The following SMIM29 variants were observed in gnomAD, a reference collection of about 807,000 sequenced individuals.
SMIM29 encodes uncharacterized protein C6orf1.
A neutral mutation model predicts 12.9 loss-of-function variants in SMIM29; 4 were observed. The observed-to-expected ratio is 0.31, with a 90% CI of 0.15 to 0.71. The LOEUF (loss-of-function observed/expected upper bound fraction) is 0.71. Ranked by LOEUF, SMIM29 falls within the 30% of genes least tolerant of loss-of-function variation. SMIM29 has a pLI of 0.70. For missense variants in SMIM29, 122 were observed against 138.1 expected (o/e 0.88, Z 0.58); for synonymous variants, 50 against 52.0 (o/e 0.96, Z 0.17).
Position 34,246,757 on chromosome 6 carries a change from G to A in SMIM29, c.*46C>T, listed in dbSNP as rs749897227. The A allele has an allele frequency of 1.9e-6, 3 of 1,613,496 alleles. No individual in the cohort carries two copies. In the Admixed American group the frequency reaches 5.0e-5, roughly 27 times the overall value. ...GGGGAAGCAGATGGCAGGGCCCCAGGCAGTCCAGGACCCCAGGCTCTGAAG... is the reference window on the plus strand; with the variant it reads ...GGGGAAGCAGATGGCAGGGCCCCAGACAGTCCAGGACCCCAGGCTCTGAAG... On this transcript the variant is annotated 3_prime_UTR_variant, in exon 5 of 5. Coordinates refer to ENST00000476320, the MANE Select transcript of SMIM29 (RefSeq NM_001008703.4).
rs1485293592 is a variant in SMIM29, at chr6:34,246,524, C to T, written c.*279G>A. 3 of 1,551,366 alleles carry T rather than the reference C, an allele frequency of 1.9e-6. No individual in the cohort carries two copies. The highest frequency in any genetic ancestry group is 2.6e-6 in the Non-Finnish European group (3 of 1,147,452). ...CCCAGCCCAGGAGGGCTAGAGAAAG[C>T]AAAGGTGTCTACCAGCCGCCCCCAT... On this transcript the variant is annotated 3_prime_UTR_variant, in exon 5 of 5. Coordinates refer to ENST00000476320, the MANE Select transcript of SMIM29 (RefSeq NM_001008703.4).
intron 2 of SMIM29, 88 bp downstream of exon 2, chr6:34,247,593 T>C: frequency 4.7e-6 from 7 of 1,494,194 alleles, no homozygotes; most frequent in Non-Finnish European, 6.2e-6. Flanking sequence ...AACAGGACAG[T>C]GGGGACTCTG....
In SMIM29 at chr6:34,246,443, C is replaced by T. The variant is rs981739067; in HGVS notation, c.*360G>A. 4 of 1,466,346 alleles carry T rather than the reference C, an allele frequency of 2.7e-6. No homozygotes were observed. Among genetic ancestry groups the T allele is most frequent in the African/African-American group, 1.4e-5 (1 of 70,756 alleles). The allele number at this position is 1,466,346 out of a possible 1,614,324, so 90.8% of individuals were successfully genotyped here. The stretch of plus-strand genomic sequence containing the variant: ...AAAATATATACTGAATACTATACAT[C>T]TGGCCCCATCACCATGGAAACAACT... On this transcript the variant is annotated 3_prime_UTR_variant, in exon 5 of 5. Transcript: ENST00000476320.
At position 34,246,510 on chromosome 6, in the gene SMIM29, AG is replaced by A. The variant is rs1367346642; in HGVS notation, c.*292del. 2.0e-6 allele frequency: 3 copies of A among 1,535,042 alleles called. No homozygotes were observed. The African/African-American group carries it at 4.1e-5, about 21-fold the overall frequency. On this transcript the variant is annotated 3_prime_UTR_variant, in exon 5 of 5. Transcript: ENST00000476320. ...GATTTGTGCCCAAGCCCAGCCCAGGAGGGCTAGAGAAAGCAAAGGTGTCTAC... is the reference window on the plus strand; with the variant it reads ...GATTTGTGCCCAAGCCCAGCCCAGGAGGCTAGAGAAAGCAAAGGTGTCTAC...
chr6:34,246,848 A>C lies in SMIM29; in HGVS notation c.264T>G (p.Ser88Arg), dbSNP rs754852922. 1.9e-6 allele frequency: 3 copies of C among 1,610,154 alleles called. No homozygotes were observed. The African/African-American group carries it at 4.0e-5, about 22-fold the overall frequency. ...GTGGCATCCGCTTGTGCTGGTAGCC[A>C]CTCTGCCAGCCATGTACCACCTGTC... ...GDPKVVHGWQSGYQHKRMPLL... is the reference protein window; with the variant it reads ...GDPKVVHGWQRGYQHKRMPLL... The change falls in exon 5 of 5, where the codon AGT becomes AGG. Residue 88 changes from serine to arginine, a missense_variant. Physicochemically the swap from Ser to Arg is moderately radical, Grantham distance 110. Coordinates refer to ENST00000476320, the MANE Select transcript of SMIM29 (RefSeq NM_001008703.4).
chr6:34,247,128 G>C lies in SMIM29; in HGVS notation c.159C>G (p.His53Gln). Residue 53 changes from histidine to glutamine, a missense_variant, in exon 4 of 5, where the codon CAC (histidine) becomes CAG (glutamine). By Grantham distance (24) the His-to-Gln change is conservative. Coordinates refer to ENST00000476320, the MANE Select transcript of SMIM29 (RefSeq NM_001008703.4). ...KKKRVDRLRH[H>Q]LLPMYSYDPA... ...GGTCATAGCTGTACATGGGGAGCAG[G>C]TGATGGCGCAGCCGGTCCACCCTGG... The C allele has an allele frequency of 6.2e-7, 1 of 1,614,114 alleles. No individual in the cohort carries two copies. Among genetic ancestry groups the C allele is most frequent in the Non-Finnish European group, 8.5e-7 (1 of 1,180,020 alleles).
intron 1 of SMIM29, chr6:34,248,081 T>C: frequency 1.0e-6 from 1 of 985,452 alleles, no homozygotes; most frequent in East Asian, 1.1e-4. Context: ...GGGCTGAGTC[T>C]TGCCCAACTC....
At position 34,247,544 on chromosome 6, in the gene SMIM29, A is replaced by G. The variant is rs2127552027; in HGVS notation, c.112-52T>C. ...GGCTGCTGAGCCCAGGAAGGCCCAC[A>G]GGCAGAGAGAGGCCCACCTCCACAC... is the stretch of plus-strand genomic sequence containing the variant. On this transcript the variant is annotated intron_variant, in intron 2 of 4. Coordinates refer to ENST00000476320, the MANE Select transcript of SMIM29 (RefSeq NM_001008703.4). 3.2e-6 allele frequency: 5 copies of G among 1,547,254 alleles called. No homozygotes were observed. The African/African-American group carries it at 4.1e-5, about 13-fold the overall frequency.
In SMIM29 at chr6:34,248,395, C is replaced by T. The variant is rs561606500; in HGVS notation, c.-73-531G>A. On this transcript the variant is annotated intron_variant, in intron 1 of 4. Coordinates refer to ENST00000476320, the MANE Select transcript of SMIM29 (RefSeq NM_001008703.4). The stretch of plus-strand genomic sequence containing the variant: ...CCCTTGTCCCTGGTGTCACCTCAGA[C>T]ATACAGCCCAAACACCCTCTCCCCC... 3.6e-5 allele frequency: 35 copies of T among 985,462 alleles called. No individual in the cohort carries two copies. The East Asian group carries it at 3.4e-3, about 96-fold the overall frequency. The allele number at this position is 985,462 out of a possible 1,614,324, so 61.0% of individuals were successfully genotyped here. A position where few individuals can be genotyped will look rare whatever the true frequency, so the allele number is the denominator to read the frequency against.
rs746534289 is a variant in SMIM29, at chr6:34,246,538, A to G, written c.*265T>C. ...GCTAGAGAAAGCAAAGGTGTCTACC[A>G]GCCGCCCCCATCCCAGAAGGAAAGC... On this transcript the variant is annotated 3_prime_UTR_variant, in exon 5 of 5. Coordinates refer to ENST00000476320, the MANE Select transcript of SMIM29 (RefSeq NM_001008703.4). 7 of 1,564,008 alleles carry G rather than the reference A, an allele frequency of 4.5e-6. No homozygotes were observed. Among genetic ancestry groups the G allele is most frequent in the Admixed American group, 1.8e-5 (1 of 55,336 alleles).
At position 34,246,462 on chromosome 6, in the gene SMIM29, A is replaced by G; in HGVS notation, c.*341T>C. 6.6e-7 allele frequency: 1 copy of G among 1,512,430 alleles called. No individual in the cohort carries two copies. Among genetic ancestry groups the G allele is most frequent in the Non-Finnish European group, 8.8e-7 (1 of 1,131,388 alleles). 93.7% of individuals were successfully genotyped at this position (1,512,430 alleles called of 1,614,324 possible). A position where few individuals can be genotyped will look rare whatever the true frequency, so the allele number is the denominator to read the frequency against. ...ATACATCTGGCCCCATCACCATGGA[A>G]ACAACTCCAAAGCCTGCCTGGGGAT... On this transcript the variant is annotated 3_prime_UTR_variant, in exon 5 of 5. Coordinates refer to ENST00000476320, the MANE Select transcript of SMIM29 (RefSeq NM_001008703.4).
At chr6:34,248,937 G>C (rs1196586878) in intron 1 of SMIM29, 42 bp downstream of exon 1, 2 of 985,440 alleles carry the variant, frequency 2.0e-6, no homozygotes, top group African/African-American at 1.7e-5. Context: ...GCGTGGACCC[G>C]TGCCGGCGCT....
In SMIM29 at chr6:34,246,537, C is replaced by T. The variant is rs777272014; in HGVS notation, c.*266G>A. 30 of 1,562,454 alleles carry T rather than the reference C, an allele frequency of 1.9e-5. No individual in the cohort carries two copies. Among genetic ancestry groups the T allele is most frequent in the Non-Finnish European group, 2.5e-5 (29 of 1,151,582 alleles). ...GGCTAGAGAAAGCAAAGGTGTCTAC[C>T]AGCCGCCCCCATCCCAGAAGGAAAG... On this transcript the variant is annotated 3_prime_UTR_variant, in exon 5 of 5. Coordinates refer to ENST00000476320, the MANE Select transcript of SMIM29 (RefSeq NM_001008703.4).
chr6:34,248,069 C>T (rs1762875546), intron 1 of SMIM29: 7 of 985,308 alleles, frequency 7.1e-6, no homozygotes, highest in Non-Finnish European at 8.4e-6. Flanking sequence ...GGCCTGGATC[C>T]AGGGCTGAGT....
Position 34,246,588 on chromosome 6 carries a change from G to A in SMIM29, c.*215C>T. The A allele has an allele frequency of 6.2e-7, 1 of 1,609,360 alleles. No homozygotes were observed. Among genetic ancestry groups the A allele is most frequent in the Non-Finnish European group, 8.5e-7 (1 of 1,176,818 alleles). On this transcript the variant is annotated 3_prime_UTR_variant, in exon 5 of 5. Coordinates refer to ENST00000476320, the MANE Select transcript of SMIM29 (RefSeq NM_001008703.4). ...CCTCTTCCCATGAGTGCCTGTGGGT[G>A]GGCGGTGAGCTCAACACCCACAAAG... is the stretch of plus-strand genomic sequence containing the variant.
intron 1 of SMIM29, chr6:34,248,743 C>A (rs1383999204): frequency 1.0e-6 from 1 of 985,450 alleles, no homozygotes; most frequent in African/African-American, 1.7e-5. Context: ...GTATGCTCAT[C>A]GTCCCAGGTC....
Position 34,247,796 on chromosome 6 carries a change from T to A in SMIM29, c.-5A>T, listed in dbSNP as rs1554145006. 7.8e-7 allele frequency: 1 copy of A among 1,289,568 alleles called. No individual in the cohort carries two copies. Among genetic ancestry groups the A allele is most frequent in the Non-Finnish European group, 9.8e-7 (1 of 1,022,634 alleles). The allele number at this position is 1,289,568 out of a possible 1,614,324, so 79.9% of individuals were successfully genotyped here. A position where few individuals can be genotyped will look rare whatever the true frequency, so the allele number is the denominator to read the frequency against. ...GGGCACAGTGGTGTTACTCATGACA[T>A]CAGCAGCCGGAGGGCTGGGTGGTCA... On this transcript the variant is annotated 5_prime_UTR_variant, in exon 2 of 5. It removes an upstream start codon present in the reference 5' UTR. Coordinates refer to ENST00000476320, the MANE Select transcript of SMIM29 (RefSeq NM_001008703.4).
Position 34,247,168 on chromosome 6 carries a change from G to A in SMIM29, c.138-19C>T, listed in dbSNP as rs1258611323. The A allele has an allele frequency of 3.7e-6, 6 of 1,613,794 alleles. No homozygotes were observed. Among genetic ancestry groups the A allele is most frequent in the Non-Finnish European group, 5.1e-6 (6 of 1,179,924 alleles). On this transcript the variant is annotated intron_variant, in intron 3 of 4. Coordinates refer to ENST00000476320, the MANE Select transcript of SMIM29 (RefSeq NM_001008703.4). ...GTCCACCCTGGGGAGCAGGGGAGGG[G>A]ACTCAGCTAGGAGGTCCCCCCAACC...
intron 2 of SMIM29, 76 bp from the exon 3 acceptor site, chr6:34,247,568 A>C: frequency 6.5e-7 from 1 of 1,530,158 alleles, no homozygotes; most frequent in Non-Finnish European, 8.8e-7. Context: ...CCACCTCCAC[A>C]CCCTTCACTC....
Sources: gnomAD v4.1 joint callset for allele counts on GRCh38, gnomAD v4.1.1 for gene constraint, MANE v1.5 for transcripts, NCBI Gene and HGNC (gene_info 2026-07-23, HGNC 2026-07-21) for gene names.